Variants in ELFN1 observed in about 807,000 individuals in gnomAD.
ELFN1 encodes protein ELFN1.
ELFN1 carries 6 observed loss-of-function variants against 7.6 expected under a neutral mutation model. The ratio of observed to expected loss-of-function variants is 0.79; its 90% confidence interval spans 0.43 to 1.56. ELFN1 has a LOEUF of 1.56. ELFN1 is among the 40% of genes most tolerant of loss of function. ELFN1 has a pLI of 0.01. For synonymous variants in ELFN1, 657 were observed against 588.1 expected (o/e 1.12, Z -1.70); for missense variants, 1,169 against 1,232.2 (o/e 0.95, Z 0.77).
intron 3 of ELFN1, among the ~76,000 whole-genome samples, chr7:1,737,625 A>C (rs1489540600): frequency 2.0e-5 from 3 of 151,912 alleles, no homozygotes; most frequent in Non-Finnish European, 2.9e-5. Context: ...AGCTCATTCC[A>C]TCGGGGGCAT....
Position 1,745,387 on chromosome 7 carries a change from G to A in ELFN1, c.791G>A (p.Arg264His), listed in dbSNP as rs771110325. The A allele has an allele frequency of 4.4e-5, 68 of 1,538,902 alleles. No homozygotes were observed. The highest frequency in any genetic ancestry group is 5.1e-5 in the Non-Finnish European group (59 of 1,145,802). The change falls in exon 4 of 4, where the codon CGT (arginine) becomes CAT (histidine). Residue 264 changes from arginine (R) to histidine (H), a missense_variant. By Grantham distance (29) the Arg-to-His change is conservative. Coordinates refer to ENST00000424383, the MANE Select transcript of ELFN1 (RefSeq NM_001128636.4). Reference protein sequence around the residue: ...SYAAEVVGPPRPASGRSQPGR... With the variant: ...SYAAEVVGPPHPASGRSQPGR... ...GCGGCTGAGGTGGTCGGGCCCCCAC[G>A]TCCAGCATCCGGGCGCTCACAGCCG...
chr7:1,687,372 A>T (rs1319404000), intron 1 of ELFN1, among the ~76,000 whole-genome samples: 1 of 151,954 alleles, frequency 6.6e-6, no homozygotes, highest in African/African-American at 2.4e-5. Flanking sequence ...AACAAAACTT[A>T]AAAAAGGGTA....
chr7:1,746,681 G>C lies in ELFN1; in HGVS notation c.2085G>C (p.Glu695Asp). ...CCGCCGTGCTGCGGGCCGAGGCCGAGAAGGGTCGCCAGTACGGCGAGCACC... is the reference window on the plus strand; with the variant it reads ...CCGCCGTGCTGCGGGCCGAGGCCGACAAGGGTCGCCAGTACGGCGAGCACC... The part of the protein sequence containing the change: ...PAAAVLRAEA[E>D]KGRQYGEHRH... The change falls in exon 4 of 4, where the codon GAG becomes GAC. Residue 695 changes from glutamate (E) to aspartate (D), a missense_variant. Coordinates refer to ENST00000424383, the MANE Select transcript of ELFN1 (RefSeq NM_001128636.4). 2 of 1,422,084 alleles carry C rather than the reference G, an allele frequency of 1.4e-6. No homozygotes were observed. The highest frequency in any genetic ancestry group is 1.8e-6 in the Non-Finnish European group (2 of 1,094,438). 88.1% of individuals were successfully genotyped at this position (1,422,084 alleles called of 1,614,324 possible).
In ELFN1 at chr7:1,670,991, C is replaced by A. The variant is rs908450733; in HGVS notation, c.-549+637C>A. On this transcript the variant is annotated intron_variant, in intron 1 of 3. Coordinates refer to ENST00000424383, the MANE Select transcript of ELFN1 (RefSeq NM_001128636.4). The surrounding 1 kb of genome is among the most constrained non-coding windows in gnomAD (Gnocchi z 6.4). ...CTTACTGGGTGCTTTCCACCCCTCGCCCCACCTGGAGTCCATCCTCGTCCT... is the reference window on the plus strand; with the variant it reads ...CTTACTGGGTGCTTTCCACCCCTCGACCCACCTGGAGTCCATCCTCGTCCT... Among the ~76,000 whole-genome samples, 4 of 152,204 alleles carry A rather than the reference C, an allele frequency of 2.6e-5. No homozygotes were observed. The highest frequency in any genetic ancestry group is 5.9e-5 in the Non-Finnish European group (4 of 68,026).
intron 3 of ELFN1, among the ~76,000 whole-genome samples, chr7:1,737,714 C>A (rs916142343): frequency 6.6e-6 from 1 of 152,166 alleles, no homozygotes; most frequent in African/African-American, 2.4e-5. Flanking sequence ...GGGGGGCTCA[C>A]TACCTGCCAC....
At chr7:1,666,338 C>T (rs1275218647), upstream of ELFN1, among the ~76,000 whole-genome samples, 1 of 151,876 alleles carries the variant, frequency 6.6e-6, no homozygotes, top group Non-Finnish European at 1.5e-5. This position sits in a 1 kb window ranked among gnomAD's most constrained non-coding sequence, Gnocchi z 7.9. Flanking sequence ...GCAGCCCGGG[C>T]CACCCCATCC....
In ELFN1 at chr7:1,747,084, G is replaced by GC. The variant is rs1562394192; in HGVS notation, c.*7dup. ...CGTGTCGGCCCAGCACAAGTCCTGA[G>GC]CCCCCCAAGACCGGCGATGCCCACT... is the stretch of plus-strand genomic sequence containing the variant. On this transcript the variant is annotated 3_prime_UTR_variant, in exon 4 of 4. Transcript: ENST00000424383. The GC allele has an allele frequency of 2.0e-6, 3 of 1,485,336 alleles. No individual in the cohort carries two copies. Among genetic ancestry groups the GC allele is most frequent in the Non-Finnish European group, 9.0e-7 (1 of 1,110,362 alleles). The allele number at this position is 1,485,336 out of a possible 1,614,324, so 92.0% of individuals were successfully genotyped here. A position where few individuals can be genotyped will look rare whatever the true frequency, so the allele number is the denominator to read the frequency against.
rs200235323 is a variant in ELFN1 at position 1,746,987 on chromosome 7, C to T, written c.2391C>T (p.Gly797=). The T allele has an allele frequency of 3.3e-4, 516 of 1,562,498 alleles. No individual in the cohort carries two copies. The highest frequency in any genetic ancestry group is 9.7e-4 in the Admixed American group (51 of 52,486). The change falls in exon 4 of 4, where the codon GGC becomes GGT. Residue 797 remains glycine, a synonymous_variant. Coordinates refer to ENST00000424383, the MANE Select transcript of ELFN1 (RefSeq NM_001128636.4). ...HKEEEEFMAA[G]HALRKKVQFA... ...AGGAAGAGGAGTTCATGGCCGCGGG[C>T]CATGCCCTGCGCAAGAAGGTTCAGT...
intron 1 of ELFN1, among the ~76,000 whole-genome samples, chr7:1,678,377 C>T (rs1016018684): frequency 2.0e-5 from 3 of 152,224 alleles, no homozygotes; most frequent in Non-Finnish European, 2.9e-5. Flanking sequence ...CCCCACCCTG[C>T]GGCCCTGCAT....
At chr7:1,693,637 G>A (rs1020702834) in intron 2 of ELFN1, 15 of 471,226 alleles carry the variant, frequency 3.2e-5, no homozygotes, top group South Asian at 6.2e-5. Flanking sequence ...TGCCCAGTCC[G>A]TGTGAACACA....
chr7:1,704,504 A>C (rs934422378), intron 2 of ELFN1, among the ~76,000 whole-genome samples: 16 of 152,092 alleles, frequency 1.1e-4, no homozygotes, highest in African/African-American at 3.9e-4. Context: ...CTCCGTAAAC[A>C]CATGGTGATA....
At position 1,744,828 on chromosome 7, in the gene ELFN1, G is replaced by A. The variant is rs1252632772; in HGVS notation, c.232G>A (p.Ala78Thr). The A allele has an allele frequency of 4.5e-6, 7 of 1,570,708 alleles. No individual in the cohort carries two copies. The highest frequency in any genetic ancestry group is 5.2e-6 in the Non-Finnish European group (6 of 1,157,086). Reference protein sequence around the residue: ...NENRIRSVQYASLSRFGNLTY... With the variant: ...NENRIRSVQYTSLSRFGNLTY... Reference sequence around the variant, plus strand: ...GAACCGTATCCGCAGCGTGCAGTACGCCTCGCTCAGCCGCTTTGGCAACCT... The same window carrying A: ...GAACCGTATCCGCAGCGTGCAGTACACCTCGCTCAGCCGCTTTGGCAACCT... The change falls in exon 4 of 4, where the codon GCC (alanine) becomes ACC (threonine). Residue 78 changes from alanine to threonine, a missense_variant. Around this residue, in one of 2 missense-constraint regions of ELFN1, gnomAD observed 255 missense variants for 359.6 expected, o/e 0.71. Transcript: ENST00000424383.
intron 3 of ELFN1, among the ~76,000 whole-genome samples, chr7:1,712,126 C>T (rs1357896899): frequency 3.3e-5 from 5 of 152,220 alleles, no homozygotes; most frequent in Admixed American, 6.5e-5. Flanking sequence ...TGTGTCTTTT[C>T]GTGTGGGGGT....
chr7:1,701,596 G>A (rs1039199731), intron 2 of ELFN1, among the ~76,000 whole-genome samples: 2 of 151,678 alleles, frequency 1.3e-5, no homozygotes, highest in Admixed American at 1.3e-4. Context: ...GACTGCTTGA[G>A]CCCAGGAGTT....
intron 3 of ELFN1, among the ~76,000 whole-genome samples, chr7:1,725,338 G>A (rs1780158090): frequency 6.6e-6 from 1 of 152,210 alleles, no homozygotes; most frequent in African/African-American, 2.4e-5. Flanking sequence ...GGGCCCTGGT[G>A]GTGTGGAGAG....
intron 3 of ELFN1, among the ~76,000 whole-genome samples, chr7:1,726,736 G>A (rs1349760119): frequency 6.6e-6 from 1 of 152,206 alleles, no homozygotes; most frequent in Admixed American, 6.5e-5. Context: ...CTGAGAAGAG[G>A]GGAGGGGCCG....
At position 1,702,508 on chromosome 7, in the gene ELFN1, TA is replaced by T. The variant is rs546035979; in HGVS notation, c.-455-6582del. Among the ~76,000 whole-genome samples the T allele has an allele frequency of 1.6e-3, 236 of 151,108 alleles. 19 individuals carry two copies. The highest frequency in any genetic ancestry group is 5.6e-3 in the African/African-American group (228 of 40,484). ...ACATTCTTGGCCTTTTTTTCTTCCATATACATTTTAGAATTAGTTTGTCAAG... is the reference window on the plus strand; with the variant it reads ...ACATTCTTGGCCTTTTTTTCTTCCATTACATTTTAGAATTAGTTTGTCAAG... On this transcript the variant is annotated intron_variant, in intron 2 of 3. Coordinates refer to ENST00000424383, the MANE Select transcript of ELFN1 (RefSeq NM_001128636.4).
chr7:1,711,871 G>A (rs1323345239), intron 3 of ELFN1, among the ~76,000 whole-genome samples: 1 of 152,198 alleles, frequency 6.6e-6, no homozygotes, highest in African/African-American at 2.4e-5. Context: ...GGAGGGGGCG[G>A]CAGCTCGGAC....
intron 3 of ELFN1, among the ~76,000 whole-genome samples, chr7:1,732,141 C>A (rs1463773703): frequency 6.6e-6 from 1 of 152,186 alleles, no homozygotes; most frequent in Non-Finnish European, 1.5e-5. Flanking sequence ...CACAGCGGAG[C>A]AAGCACAGGC....
Sources: allele counts gnomAD v4.1 joint callset (sites outside exome capture counted in the v4.1 genomes callset), GRCh38; gene constraint gnomAD v4.1.1; regional missense constraint gnomAD v4.1.1; non-coding constraint Gnocchi (gnomAD v3.1); transcripts MANE v1.5; gene names NCBI Gene and HGNC (gene_info 2026-07-23, HGNC 2026-07-21).